Variants in ECPAS observed in about 807,000 individuals in gnomAD.
ECPAS encodes the protein proteasome adapter and scaffold protein ECM29.
Under a neutral mutation model 255.1 loss-of-function variants are expected in ECPAS, and 70 were observed. That is an observed-to-expected ratio of 0.27 (90% CI 0.23 to 0.33). The LOEUF (loss-of-function observed/expected upper bound fraction) is 0.33. Among genes scored for constraint, ECPAS ranks in the 10% least tolerant of loss-of-function variants. The probability of loss-of-function intolerance (pLI) is 1.00; values close to 1 mark genes in which losing one functional copy is unlikely to be tolerated. For missense variants in ECPAS, 1,817 were observed against 2,206.4 expected (o/e 0.82, Z 3.54); for synonymous variants, 784 against 775.0 (o/e 1.01, Z -0.19).
At chr9:111,430,826 A>G (rs1410298) in intron 8 of ECPAS, among the ~76,000 whole-genome samples, 198 bp from the exon 9 acceptor site, 1 of 152,222 alleles carries the variant, frequency 6.6e-6, no homozygotes, top group Non-Finnish European at 1.5e-5. Flanking sequence ...ACCAAAACAA[A>G]TACAAATCAC....
At chr9:111,406,934 A>C (rs1249620893) in intron 24 of ECPAS, among the ~76,000 whole-genome samples, 1 of 149,250 alleles carries the variant, frequency 6.7e-6, no homozygotes, top group Non-Finnish European at 1.5e-5. Context: ...AACCTTCAGC[A>C]CTGTGTCCTA....
intron 1 of ECPAS, among the ~76,000 whole-genome samples, chr9:111,477,507 G>T (rs185303214): frequency 2.0e-5 from 3 of 151,952 alleles, no homozygotes; most frequent in African/African-American, 4.8e-5. Flanking sequence ...GTTCTCTCTG[G>T]ATACTAGTTA....
chr9:111,370,757 T>A lies in ECPAS; in HGVS notation c.4746A>T (p.Leu1582=), dbSNP rs755956351. Residue 1582 remains leucine (L), a synonymous_variant, in exon 44 of 50, where the codon CTA becomes CTT. Coordinates refer to ENST00000684092, the MANE Select transcript of ECPAS (RefSeq NM_001364929.1). ...AGRTWAGKEE[L]LKAIACVVTA... ...TCACCACACAGGCAATGGCTTTCAA[T>A]AGCTCCTCCTAAGGGGTTGAAAGAT... The A allele has an allele frequency of 2.5e-6, 4 of 1,603,484 alleles. No individual in the cohort carries two copies. The highest frequency in any genetic ancestry group is 2.6e-6 in the Non-Finnish European group (3 of 1,174,802).
At chr9:111,483,520 G>A (rs977158349) in intron 1 of ECPAS, 57 of 979,118 alleles carry the variant, frequency 5.8e-5, no homozygotes, top group Admixed American at 1.9e-4. Flanking sequence ...CATCCTGGGA[G>A]GCGGAGGCGG....
intron 2 of ECPAS, among the ~76,000 whole-genome samples, chr9:111,455,225 C>A (rs1204667569): frequency 6.6e-6 from 1 of 152,172 alleles, no homozygotes; most frequent in African/African-American, 2.4e-5. Flanking sequence ...TGGTTCACGC[C>A]TGTAATCCCA....
intron 4 of ECPAS, among the ~76,000 whole-genome samples, chr9:111,443,443 G>A (rs574532634): frequency 1.3e-3 from 184 of 144,108 alleles, no homozygotes; most frequent in African/African-American, 4.2e-3. Flanking sequence ...TAGAGATGGG[G>A]TTTCACTATG....
chr9:111,411,219 C>T (rs563457858), intron 21 of ECPAS, 77 bp from the exon 22 acceptor site: 22 of 1,397,326 alleles, frequency 1.6e-5, no homozygotes, highest in Non-Finnish European at 2.0e-5. Flanking sequence ...AACTGTGTGT[C>T]GATTAGGATC....
chr9:111,435,057 C>T (rs2098235965), intron 7 of ECPAS, among the ~76,000 whole-genome samples: 1 of 151,676 alleles, frequency 6.6e-6, no homozygotes, highest in African/African-American at 2.4e-5. Flanking sequence ...CACCACCACG[C>T]CCAGCTAATT....
chr9:111,372,350 T>C, intron 42 of ECPAS, 79 bp downstream of exon 42: 1 of 1,318,648 alleles, frequency 7.6e-7, no homozygotes, highest in Non-Finnish European at 1.1e-6. Flanking sequence ...TTCAGAGGAG[T>C]TTATGAATAA....
At chr9:111,436,899 T>C in intron 7 of ECPAS, 41 bp downstream of exon 7, 1 of 1,510,454 alleles carries the variant, frequency 6.6e-7, no homozygotes, top group Non-Finnish European at 8.9e-7. Flanking sequence ...GGGGAAAGTG[T>C]CCACAATCAA....
chr9:111,380,755 G>C (rs1251389241), intron 35 of ECPAS, among the ~76,000 whole-genome samples: 1 of 152,234 alleles, frequency 6.6e-6, no homozygotes, highest in Non-Finnish European at 1.5e-5. Flanking sequence ...TGCAGCTTCT[G>C]TATCAGCAAC....
Position 111,436,987 on chromosome 9 carries a change from T to C in ECPAS, c.661A>G (p.Lys221Glu). The C allele has an allele frequency of 6.2e-7, 1 of 1,613,260 alleles. No homozygotes were observed. Among genetic ancestry groups the C allele is most frequent in the Non-Finnish European group, 8.5e-7 (1 of 1,179,616 alleles). ...CATGGGTTATCACCAATAACTCGTT[T>C]GGCTGCATAAAAGCTCATTCCCGGA... Reference protein sequence around the residue: ...PPPGMSFYAAKRVIGDNPWTP... With the variant: ...PPPGMSFYAAERVIGDNPWTP... Residue 221 changes from lysine (K) to glutamate (E), a missense_variant, in exon 7 of 50, where the codon AAA becomes GAA. Lys to Glu is a moderately conservative substitution (Grantham distance 56). Transcript: ENST00000684092.
At chr9:111,427,863 T>A (rs1426953674) in intron 10 of ECPAS, among the ~76,000 whole-genome samples, 179 bp downstream of exon 10, 1 of 152,170 alleles carries the variant, frequency 6.6e-6, no homozygotes, top group Non-Finnish European at 1.5e-5. Context: ...CTATATATAT[T>A]TTCTGATAAT....
chr9:111,386,312 T>C, intron 32 of ECPAS, 65 bp downstream of exon 32: 1 of 1,057,600 alleles, frequency 9.5e-7, no homozygotes, highest in Non-Finnish European at 1.4e-6. Flanking sequence ...GTATAAAACC[T>C]AGAAATTTTG....
At chr9:111,455,806 T>G (rs551533298) in intron 2 of ECPAS, among the ~76,000 whole-genome samples, 2 of 152,184 alleles carry the variant, frequency 1.3e-5, no homozygotes, top group Non-Finnish European at 2.9e-5. Flanking sequence ...ATCAAGTATG[T>G]GCTGTGTGAC....
At chr9:111,438,374 CCAGCATT>C (rs2098241079) in intron 6 of ECPAS, among the ~76,000 whole-genome samples, 1 of 152,100 alleles carries the variant, frequency 6.6e-6, no homozygotes, top group Non-Finnish European at 1.5e-5. Flanking sequence ...GCCTATAATC[CCAGCATT>C]TTGGGAAGCC....
intron 42 of ECPAS, 28 bp downstream of exon 42, chr9:111,372,401 C>A: frequency 6.3e-7 from 1 of 1,579,054 alleles, no homozygotes; most frequent in Non-Finnish European, 8.6e-7. Flanking sequence ...TCCTAAGAAG[C>A]AGGTTTAACT....
intron 2 of ECPAS, among the ~76,000 whole-genome samples, chr9:111,467,652 G>C (rs1373167135): frequency 6.6e-6 from 1 of 152,090 alleles, no homozygotes; most frequent in Non-Finnish European, 1.5e-5. Context: ...AACACCACAC[G>C]ATATTTTTTA....
intron 9 of ECPAS, among the ~76,000 whole-genome samples, chr9:111,430,112 T>C (rs545865428): frequency 6.6e-6 from 1 of 152,344 alleles, no homozygotes; most frequent in African/African-American, 2.4e-5. Flanking sequence ...GGTTAAAAAA[T>C]ATCAAAGGAA....
Sources: allele counts gnomAD v4.1 joint callset (sites outside exome capture counted in the v4.1 genomes callset), GRCh38; gene constraint gnomAD v4.1.1; transcripts MANE v1.5; gene names NCBI Gene and HGNC (gene_info 2026-07-23, HGNC 2026-07-21).